The following FBN1 variants were observed in gnomAD, a reference collection of about 807,000 sequenced individuals.
FBN1 encodes the protein fibrillin 1.
FBN1 carries 29 observed loss-of-function variants against 365.1 expected under a neutral mutation model. The ratio of observed to expected loss-of-function variants is 0.08; its 90% confidence interval spans 0.06 to 0.11. FBN1 has a LOEUF of 0.11. Ranked by LOEUF, FBN1 falls within the 10% of genes least tolerant of loss-of-function variation. FBN1 has a pLI of 1.00. For synonymous variants in FBN1, 1,210 were observed against 1,270.5 expected (o/e 0.95, Z 1.01); for missense variants, 2,476 against 3,703.2 (o/e 0.67, Z 8.60).
At chr15:48,589,774 C>T (rs1001673268) in intron 6 of FBN1, among the ~76,000 whole-genome samples, 3 of 151,922 alleles carry the variant, frequency 2.0e-5, no homozygotes, top group Admixed American at 6.6e-5. Flanking sequence ...CCACCACGCC[C>T]GGCTAATTTT....
chr15:48,582,528 T>G (rs921617093), intron 6 of FBN1, among the ~76,000 whole-genome samples: 5 of 152,154 alleles, frequency 3.3e-5, no homozygotes, highest in South Asian at 2.1e-4. Flanking sequence ...GCTAGGTGGT[T>G]GTTGTTATTG....
intron 55 of FBN1, 32 bp from the exon 56 acceptor site, chr15:48,430,834 A>G: frequency 1.9e-6 from 3 of 1,609,526 alleles, no homozygotes; most frequent in East Asian, 2.2e-5. Context: ...AAATTTGTCA[A>G]AGAAAATGCA....
intron 43 of FBN1, among the ~76,000 whole-genome samples, chr15:48,457,499 G>C (rs2043250090): frequency 6.6e-6 from 1 of 152,058 alleles, no homozygotes; most frequent in African/African-American, 2.4e-5. Flanking sequence ...TGAGAACACA[G>C]CCAGGATCCA....
intron 6 of FBN1, among the ~76,000 whole-genome samples, chr15:48,564,982 G>A (rs1190655456): frequency 6.6e-6 from 1 of 152,186 alleles, no homozygotes; most frequent in Non-Finnish European, 1.5e-5. Context: ...TAGACCAAGT[G>A]CCTTACATAT....
At position 48,516,165 on chromosome 15, in the gene FBN1, T is replaced by C. The variant is rs1232866690; in HGVS notation, c.1327+18A>G. The C allele has an allele frequency of 5.0e-6, 8 of 1,608,916 alleles. No homozygotes were observed. Among genetic ancestry groups the C allele is most frequent in the Non-Finnish European group, 6.0e-6 (7 of 1,175,518 alleles). ...GAACAATGCAAGAAAAATAACTAGA[T>C]GATTTTTGAATTCTTACTTGGTGGC... On this transcript the variant is annotated intron_variant, in intron 11 of 65. Transcript: ENST00000316623.
intron 53 of FBN1, among the ~76,000 whole-genome samples, chr15:48,435,122 C>T (rs1438529659): frequency 6.6e-6 from 1 of 151,948 alleles, no homozygotes; most frequent in Non-Finnish European, 1.5e-5. Context: ...AATTCTCATT[C>T]TGTTCTTGCA....
At chr15:48,500,247 A>G (rs9652450) in intron 17 of FBN1, among the ~76,000 whole-genome samples, 55,700 of 151,256 alleles carry the variant, frequency 0.37, 12,598 homozygotes, top group African/African-American at 0.65. Flanking sequence ...CCAAAATCAT[A>G]CCAGTTTTAT....
Position 48,467,993 on chromosome 15 carries a change from A to G in FBN1, c.4692T>C (p.Cys1564=). 6.2e-7 allele frequency: 1 copy of G among 1,614,198 alleles called. No individual in the cohort carries two copies. Among genetic ancestry groups the G allele is most frequent in the Non-Finnish European group, 8.5e-7 (1 of 1,180,014 alleles). ...GVGVSKASCC[C]SLGKAWGTPC... ...GAGTACCCCAGGCTTTACCCAGAGA[A>G]CAGCAGCAGGAAGCTTTGGAAACAC... Residue 1564 remains cysteine, a synonymous_variant, in exon 38 of 66, where the codon TGT becomes TGC. Transcript: ENST00000316623.
At chr15:48,492,702 G>C (rs2037848128) in intron 23 of FBN1, 116 bp from the exon 24 acceptor site, 1 of 886,942 alleles carries the variant, frequency 1.1e-6, no homozygotes, top group East Asian at 2.7e-5. Context: ...CATAAAACTA[G>C]TTTGCCTACA....
At chr15:48,561,907 T>G (rs2044224644) in intron 6 of FBN1, among the ~76,000 whole-genome samples, 1 of 147,680 alleles carries the variant, frequency 6.8e-6, no homozygotes, top group Non-Finnish European at 1.5e-5. Context: ...TTAAGGCTTA[T>G]TGGTAAAAAG....
chr15:48,622,224 GAC>G (rs1468216658), intron 2 of FBN1, among the ~76,000 whole-genome samples: 2 of 152,224 alleles, frequency 1.3e-5, no homozygotes, highest in East Asian at 3.9e-4. Flanking sequence ...AAGTGACTAA[GAC>G]ACACAGTCTT....
At chr15:48,604,074 T>C (rs1052061178) in intron 4 of FBN1, among the ~76,000 whole-genome samples, 2 of 152,212 alleles carry the variant, frequency 1.3e-5, no homozygotes, top group African/African-American at 4.8e-5. Context: ...TTCTTTAGAT[T>C]ACAGCCCAGC....
At chr15:48,488,762 A>G (rs1378980889) in intron 25 of FBN1, among the ~76,000 whole-genome samples, 1 of 152,250 alleles carries the variant, frequency 6.6e-6, no homozygotes, top group African/African-American at 2.4e-5. Flanking sequence ...TGCCTGACAC[A>G]TAGTGAATAT....
rs1555395225 is a variant in FBN1, at chr15:48,437,322, C to T, written c.6379G>A (p.Asp2127Asn). 6.2e-7 allele frequency: 1 copy of T among 1,612,918 alleles called. No homozygotes were observed. Among genetic ancestry groups the T allele is most frequent in the South Asian group, 1.1e-5 (1 of 91,026 alleles). ...TGAGAATCCAGCACAGGCAACTGACCAACTGCTGAATCATCAGGTCCCACG... is the reference window on the plus strand; with the variant it reads ...TGAGAATCCAGCACAGGCAACTGACTAACTGCTGAATCATCAGGTCCCACG... The part of the protein sequence containing the change: ...IIVGPDDSAV[D>N]MDECKEPDVC... Residue 2127 changes from aspartate (D) to asparagine (N), a missense_variant and splice_region_variant, in exon 52 of 66, where the codon GAT becomes AAT. Asp to Asn is a conservative substitution (Grantham distance 23). Around this residue, in one of 5 missense-constraint regions of FBN1, gnomAD observed 1,780 missense variants for 2,840.8 expected, o/e 0.63. Coordinates refer to ENST00000316623, the MANE Select transcript of FBN1 (RefSeq NM_000138.5).
At chr15:48,621,688 A>G (rs566795730) in intron 2 of FBN1, among the ~76,000 whole-genome samples, 1 of 152,168 alleles carries the variant, frequency 6.6e-6, no homozygotes, top group East Asian at 1.9e-4. Context: ...CACTAACTAC[A>G]TATCAATATT....
At chr15:48,421,434 G>T in intron 62 of FBN1, 124 bp downstream of exon 62, 1 of 1,178,070 alleles carries the variant, frequency 8.5e-7, no homozygotes, top group Non-Finnish European at 1.2e-6. Context: ...CACTATTTTA[G>T]CTGAGTGCCC....
At chr15:48,622,270 G>A (rs1386695428) in intron 2 of FBN1, among the ~76,000 whole-genome samples, 1 of 152,066 alleles carries the variant, frequency 6.6e-6, no homozygotes, top group Non-Finnish European at 1.5e-5. Flanking sequence ...AGGAACACAG[G>A]CACATACACA....
At chr15:48,486,362 C>A (rs1204530456) in intron 29 of FBN1, among the ~76,000 whole-genome samples, 1 of 152,136 alleles carries the variant, frequency 6.6e-6, no homozygotes, top group African/African-American at 2.4e-5. Flanking sequence ...TTGGCAGTTC[C>A]ACATGGTGTA....
chr15:48,513,926 TA>T (rs2043781389), intron 12 of FBN1, among the ~76,000 whole-genome samples: 1 of 152,204 alleles, frequency 6.6e-6, no homozygotes, highest in South Asian at 2.1e-4. Context: ...TCTGATCTAA[TA>T]AACATTTTTT....
Sources: allele counts gnomAD v4.1 joint callset (sites outside exome capture counted in the v4.1 genomes callset), GRCh38; gene constraint gnomAD v4.1.1; regional missense constraint gnomAD v4.1.1; transcripts MANE v1.5; gene names NCBI Gene and HGNC (gene_info 2026-07-23, HGNC 2026-07-21).